The following ARL15 variants were observed in gnomAD, a reference collection of about 807,000 sequenced individuals.
ARL15 encodes ADP-ribosylation factor-like protein 15.
Under a neutral mutation model 25.2 loss-of-function variants are expected in ARL15, and 19 were observed. The observed-to-expected ratio is 0.75, with a 90% confidence interval of 0.53 to 1.10. The LOEUF is 1.10. Ranked by LOEUF, ARL15 falls within the 50% of genes least tolerant of loss-of-function variation. The pLI is 0.00. For synonymous variants in ARL15, 94 were observed against 86.8 expected, an observed-to-expected ratio of 1.08 and a Z score of -0.46; for missense variants, 220 against 246.0, an observed-to-expected ratio of 0.89 and a Z score of 0.71.
intron 1 of ARL15, among the ~76,000 whole-genome samples, chr5:54,208,422 A>G (rs1487139222): frequency 2.0e-5 from 3 of 152,124 alleles, no homozygotes; most frequent in East Asian, 1.9e-4. Context: ...ACACGCACAC[A>G]CACACATATT....
intron 4 of ARL15, among the ~76,000 whole-genome samples, chr5:53,917,481 T>C (rs2112003440): frequency 6.6e-6 from 1 of 152,284 alleles, no homozygotes; most frequent in Admixed American, 6.5e-5. Context: ...TTATTAGACA[T>C]CTACATATAC....
intron 1 of ARL15, among the ~76,000 whole-genome samples, chr5:54,267,544 T>G (rs937529436): frequency 6.6e-6 from 1 of 152,186 alleles, no homozygotes; most frequent in Admixed American, 6.5e-5. Context: ...CAACTTGTTA[T>G]AAATATCCAG....
intron 4 of ARL15, among the ~76,000 whole-genome samples, chr5:54,101,341 T>C (rs1349945046): frequency 6.6e-6 from 1 of 152,080 alleles, no homozygotes; most frequent in Admixed American, 6.6e-5. Flanking sequence ...ATGAAAGAAT[T>C]ATAATTTTTG....
chr5:54,217,206 T>C (rs1756233264), intron 1 of ARL15, among the ~76,000 whole-genome samples: 1 of 151,778 alleles, frequency 6.6e-6, no homozygotes, highest in African/African-American at 2.4e-5. Context: ...TTTTCTTTTT[T>C]TTTTTTTTTA....
intron 1 of ARL15, among the ~76,000 whole-genome samples, chr5:54,249,003 G>A (rs1757166558): frequency 6.6e-6 from 1 of 151,872 alleles, no homozygotes; most frequent in African/African-American, 2.4e-5. Context: ...AGGAGTTTGA[G>A]GTCAACCTGG....
chr5:54,048,519 A>G (rs1376826525), intron 4 of ARL15, among the ~76,000 whole-genome samples: 1 of 150,210 alleles, frequency 6.7e-6, no homozygotes, highest in Non-Finnish European at 1.5e-5. Flanking sequence ...TCTCCTGCCT[A>G]GGCTTCCCAA....
At chr5:53,962,268 T>C (rs1747396165) in intron 4 of ARL15, among the ~76,000 whole-genome samples, 1 of 152,168 alleles carries the variant, frequency 6.6e-6, no homozygotes, top group African/African-American at 2.4e-5. Context: ...ATGATGTAAA[T>C]ATAAATTATA....
At chr5:54,102,981 T>C (rs1224846083) in intron 4 of ARL15, among the ~76,000 whole-genome samples, 1 of 152,156 alleles carries the variant, frequency 6.6e-6, no homozygotes, top group East Asian at 1.9e-4. Context: ...CTAGTTACCA[T>C]GTAAACATTA....
intron 1 of ARL15, among the ~76,000 whole-genome samples, chr5:54,239,716 C>T (rs1441403904): frequency 6.6e-6 from 1 of 152,120 alleles, no homozygotes; most frequent in Admixed American, 6.5e-5. Flanking sequence ...CTGTCTGAAA[C>T]GTGGGAGTGA....
chr5:53,940,791 T>C (rs1276136590), intron 4 of ARL15, among the ~76,000 whole-genome samples: 1 of 152,224 alleles, frequency 6.6e-6, no homozygotes, highest in African/African-American at 2.4e-5. Context: ...CTTTTGAACT[T>C]CTAATAATTT....
At chr5:53,932,875 C>T (rs713210) in intron 4 of ARL15, among the ~76,000 whole-genome samples, 4 of 151,922 alleles carry the variant, frequency 2.6e-5, no homozygotes, top group African/African-American at 7.3e-5. Flanking sequence ...AATGTAGAAG[C>T]GCTGGGGCAA....
At chr5:54,108,327 G>T (rs1752646506) in intron 4 of ARL15, among the ~76,000 whole-genome samples, 1 of 152,166 alleles carries the variant, frequency 6.6e-6, no homozygotes, top group South Asian at 2.1e-4. Context: ...TACCATTTTA[G>T]AATAAGTATA....
intron 1 of ARL15, among the ~76,000 whole-genome samples, chr5:54,297,025 C>T (rs1758481614): frequency 6.6e-6 from 1 of 152,194 alleles, no homozygotes; most frequent in Non-Finnish European, 1.5e-5. Flanking sequence ...TTTCATCTAG[C>T]ATTTCCCTGG....
chr5:54,220,108 C>T (rs1423739780), intron 1 of ARL15, among the ~76,000 whole-genome samples: 1 of 152,130 alleles, frequency 6.6e-6, no homozygotes, highest in Non-Finnish European at 1.5e-5. Flanking sequence ...TCATGTAACT[C>T]TTTCAACTGT....
At chr5:54,142,944 T>C (rs1235840684) in intron 3 of ARL15, among the ~76,000 whole-genome samples, 1 of 152,188 alleles carries the variant, frequency 6.6e-6, no homozygotes, top group Non-Finnish European at 1.5e-5. Flanking sequence ...AAGACTGGAG[T>C]ACTTTTAAAT....
intron 4 of ARL15, among the ~76,000 whole-genome samples, chr5:54,054,747 G>A (rs1008895499): frequency 3.9e-5 from 6 of 152,042 alleles, no homozygotes; most frequent in African/African-American, 1.2e-4. Context: ...CCAAGATCGC[G>A]CCACTGCACT....
At chr5:54,269,510 T>C (rs969443159) in intron 1 of ARL15, among the ~76,000 whole-genome samples, 1 of 152,166 alleles carries the variant, frequency 6.6e-6, no homozygotes, top group Non-Finnish European at 1.5e-5. Context: ...TGGTCCACAA[T>C]TGATCAAAAT....
chr5:54,015,113 C>T (rs961573347), intron 4 of ARL15, among the ~76,000 whole-genome samples: 3 of 151,536 alleles, frequency 2.0e-5, no homozygotes, highest in Non-Finnish European at 4.4e-5. Context: ...CCCAACATGG[C>T]AAAACCCCGT....
At chr5:54,235,465 C>G (rs184063834) in intron 1 of ARL15, among the ~76,000 whole-genome samples, 2 of 151,100 alleles carry the variant, frequency 1.3e-5, no homozygotes, top group Admixed American at 1.3e-4. Context: ...TGTTTATGAG[C>G]ACATATGCAC....
Sources: gnomAD v4.1 joint callset for allele counts (sites outside exome capture counted in the v4.1 genomes callset) on GRCh38, gnomAD v4.1.1 for gene constraint, MANE v1.5 for transcripts, NCBI Gene and HGNC (gene_info 2026-07-23, HGNC 2026-07-21) for gene names.